Variants in ME3 observed in about 807,000 individuals in gnomAD.
The protein encoded by ME3 is NADP-dependent malic enzyme, mitochondrial.
In ME3, 48 loss-of-function variants were observed where a neutral mutation model predicts 68.9. The observed-to-expected ratio is 0.70, with a 90% CI of 0.55 to 0.89. The LOEUF (loss-of-function observed/expected upper bound fraction) is 0.89, where lower values mean the gene tolerates loss of function less well. Ranked by LOEUF, ME3 falls within the 40% of genes least tolerant of loss-of-function variation. The pLI is 0.00. For missense variants in ME3, 675 were observed against 797.4 expected (o/e 0.85, Z 1.85); for synonymous variants, 320 against 318.8 (o/e 1.00, Z -0.04).
intron 4 of ME3, among the ~76,000 whole-genome samples, chr11:86,531,488 C>G (rs1594323489): frequency 6.6e-6 from 1 of 152,216 alleles, no homozygotes; most frequent in Non-Finnish European, 1.5e-5. Flanking sequence ...ACCCAGGCAT[C>G]CCATTACTGG....
chr11:86,631,047 C>T (rs1028202943), intron 2 of ME3, among the ~76,000 whole-genome samples: 32 of 152,186 alleles, frequency 2.1e-4, no homozygotes, highest in Admixed American at 2.0e-3. Flanking sequence ...CACAGATGAG[C>T]CCAGGTCTGG....
At chr11:86,585,119 A>G (rs1958659813) in intron 2 of ME3, among the ~76,000 whole-genome samples, 1 of 150,764 alleles carries the variant, frequency 6.6e-6, no homozygotes, top group Admixed American at 6.6e-5. Context: ...AGGTGCACAG[A>G]CAGGACCAAG....
chr11:86,527,445 G>T (rs1286011109), intron 4 of ME3, among the ~76,000 whole-genome samples: 1 of 152,164 alleles, frequency 6.6e-6, no homozygotes, highest in East Asian at 1.9e-4. Context: ...TACTCTGCCG[G>T]ATATTATACA....
At chr11:86,573,058 G>A (rs200439466) in intron 2 of ME3, among the ~76,000 whole-genome samples, 1 of 127,510 alleles carries the variant, frequency 7.8e-6, no homozygotes, top group African/African-American at 2.9e-5. Flanking sequence ...TCATATGTTT[G>A]TTGGCCGCAT....
At chr11:86,514,826 T>C (rs1360738520) in intron 4 of ME3, among the ~76,000 whole-genome samples, 1 of 152,136 alleles carries the variant, frequency 6.6e-6, no homozygotes, top group African/African-American at 2.4e-5. Context: ...ACATAACAAA[T>C]GGTAGCTGTT....
At chr11:86,535,501 G>T (rs1433866342) in intron 4 of ME3, among the ~76,000 whole-genome samples, 2 of 152,156 alleles carry the variant, frequency 1.3e-5, no homozygotes, top group Non-Finnish European at 2.9e-5. Flanking sequence ...TTTCTCCCCA[G>T]CTGATAGGCT....
At chr11:86,670,767 A>T (rs1334015201) in intron 2 of ME3, among the ~76,000 whole-genome samples, 1 of 152,226 alleles carries the variant, frequency 6.6e-6, no homozygotes, top group African/African-American at 2.4e-5. Context: ...TATGAAAAAA[A>T]AATTTATTTT....
chr11:86,652,825 T>G (rs967353478), intron 2 of ME3, among the ~76,000 whole-genome samples: 5 of 151,596 alleles, frequency 3.3e-5, no homozygotes, highest in African/African-American at 1.2e-4. Flanking sequence ...TCAAGACCCA[T>G]CAGTGTGCTG....
At chr11:86,639,698 C>G (rs1944548753) in intron 2 of ME3, among the ~76,000 whole-genome samples, 2 of 152,176 alleles carry the variant, frequency 1.3e-5, no homozygotes, top group African/African-American at 2.4e-5. Context: ...CTCCTATTTT[C>G]TACAAACTGA....
chr11:86,661,410 C>G (rs1410599508), intron 2 of ME3, among the ~76,000 whole-genome samples: 3 of 152,146 alleles, frequency 2.0e-5, no homozygotes, highest in Non-Finnish European at 4.4e-5. Flanking sequence ...AGAACAAAAC[C>G]AAAGAGCATG....
chr11:86,559,726 A>G, exon 3 of ME3: 2 of 1,606,096 alleles, frequency 1.2e-6, no homozygotes, highest in South Asian at 2.2e-5. Flanking sequence ...GTAATATCTC[A>G]TGATTCGGAG....
intron 4 of ME3, among the ~76,000 whole-genome samples, chr11:86,529,228 C>T (rs1269388254): frequency 1.3e-5 from 2 of 152,296 alleles, no homozygotes; most frequent in South Asian, 2.1e-4. Context: ...ACTACAAACA[C>T]CTCTACGCAA....
intron 2 of ME3, among the ~76,000 whole-genome samples, chr11:86,660,692 C>G (rs1199887135): frequency 6.6e-6 from 1 of 152,110 alleles, no homozygotes; most frequent in East Asian, 1.9e-4. Flanking sequence ...CCTTTACTCC[C>G]CAAATCCTCT....
chr11:86,575,178 T>A lies in ME3; in HGVS notation c.184-15355A>T, dbSNP rs1254323451. Among the ~76,000 whole-genome samples, 2 of 147,530 alleles carry A rather than the reference T, an allele frequency of 1.4e-5. 1 individual carries two copies. Among genetic ancestry groups the A allele is most frequent in the African/African-American group, 5.2e-5 (2 of 38,350 alleles). On this transcript the variant is annotated intron_variant, in intron 2 of 14. Coordinates refer to ENST00000543262, the Ensembl canonical transcript of ME3. Reference sequence around the variant, plus strand: ...GTGCTTCTAATAACTGTTGTGCCAATGCATTAAACAGCCATTGGAGACAAA... The same window carrying A: ...GTGCTTCTAATAACTGTTGTGCCAAAGCATTAAACAGCCATTGGAGACAAA...
chr11:86,476,900 A>T (rs1477928925), intron 7 of ME3, among the ~76,000 whole-genome samples: 1 of 151,988 alleles, frequency 6.6e-6, no homozygotes, highest in Non-Finnish European at 1.5e-5. Flanking sequence ...AAGGGGAGGG[A>T]TGGGTGAGGG....
At chr11:86,532,797 C>T (rs986572005) in intron 4 of ME3, among the ~76,000 whole-genome samples, 12 of 152,214 alleles carry the variant, frequency 7.9e-5, no homozygotes, top group Non-Finnish European at 1.2e-4. Context: ...TGGTGGCTTA[C>T]GCCTGTAACC....
exon 14 of ME3, chr11:86,442,887 C>CAGATGCTGCTCAGAGACTTCCTGGGCA (rs1949078841): frequency 6.2e-7 from 1 of 1,613,330 alleles, no homozygotes; most frequent in Admixed American, 1.7e-5. Flanking sequence ...TCCCCTGGGA[C>CAGATGCTGCTCAGAGACTTCCTGGGCA]AGATGCTGCT....
intron 2 of ME3, among the ~76,000 whole-genome samples, chr11:86,617,871 CA>C (rs1943077901): frequency 2.0e-5 from 3 of 152,132 alleles, no homozygotes; most frequent in African/African-American, 7.2e-5. Flanking sequence ...GTCTAAATGA[CA>C]AAGGAAAAAT....
intron 4 of ME3, among the ~76,000 whole-genome samples, chr11:86,533,966 A>C (rs180912966): frequency 6.6e-6 from 1 of 152,120 alleles, no homozygotes; most frequent in Non-Finnish European, 1.5e-5. Flanking sequence ...AAACATGTAC[A>C]TCATGTTACT....
Sources: allele counts gnomAD v4.1 joint callset (sites outside exome capture counted in the v4.1 genomes callset), GRCh38; gene constraint gnomAD v4.1.1; transcripts MANE v1.5; gene names NCBI Gene and HGNC (gene_info 2026-07-23, HGNC 2026-07-21).